CWC27: variants seen among roughly 807,000 people sequenced by gnomAD.
The protein encoded by CWC27 is CWC27 spliceosome associated cyclophilin.
A neutral mutation model predicts 63.6 loss-of-function variants in CWC27; 47 were observed. The ratio of observed to expected loss-of-function variants is 0.74; its 90% CI spans 0.58 to 0.94. The LOEUF (loss-of-function observed/expected upper bound fraction) is 0.94. CWC27 is among the 40% of genes least tolerant of loss of function. The pLI, the probability that CWC27 is intolerant of heterozygous loss-of-function variation, is 0.00. For synonymous variants in CWC27, 175 were observed against 179.8 expected (o/e 0.97, Z 0.22); for missense variants, 495 against 554.3 (o/e 0.89, Z 1.07).
chr5:64,840,644 C>G (rs889090098), intron 10 of CWC27, among the ~76,000 whole-genome samples: 7 of 151,496 alleles, frequency 4.6e-5, no homozygotes, highest in Admixed American at 4.6e-4. Flanking sequence ...AGTAAGTAGA[C>G]AGTAGTCAAA....
chr5:65,013,154 T>C (rs1453094278), intron 13 of CWC27, among the ~76,000 whole-genome samples: 6 of 152,180 alleles, frequency 3.9e-5, no homozygotes, highest in Non-Finnish European at 7.3e-5. Context: ...CTGCAGTCTT[T>C]TGAGGAAATA....
intron 10 of CWC27, among the ~76,000 whole-genome samples, chr5:64,819,673 G>C (rs1425724207): frequency 1.3e-5 from 2 of 152,142 alleles, no homozygotes; most frequent in African/African-American, 2.4e-5. Flanking sequence ...GAAACTGTGA[G>C]TCAGTTAAAC....
At chr5:64,828,405 G>A (rs1304190100) in intron 10 of CWC27, among the ~76,000 whole-genome samples, 2 of 151,962 alleles carry the variant, frequency 1.3e-5, no homozygotes, top group African/African-American at 4.8e-5. Flanking sequence ...AAATACCATA[G>A]TCCGGCTGGC....
At chr5:64,941,079 C>T (rs1302868444) in intron 11 of CWC27, among the ~76,000 whole-genome samples, 1 of 152,028 alleles carries the variant, frequency 6.6e-6, no homozygotes, top group African/African-American at 2.4e-5. Flanking sequence ...CTCTTGACCT[C>T]AAGTGATCTG....
chr5:64,852,087 T>C (rs1292754910), intron 10 of CWC27, among the ~76,000 whole-genome samples: 1 of 152,208 alleles, frequency 6.6e-6, no homozygotes, highest in Non-Finnish European at 1.5e-5. Context: ...CTACTACTAG[T>C]AGATAATAAT....
At chr5:64,782,096 G>A (rs1017920517) in intron 3 of CWC27, 63 bp downstream of exon 3, 1 of 866,602 alleles carries the variant, frequency 1.2e-6, no homozygotes, top group Non-Finnish European at 1.7e-6. Context: ...AAGTCAGTTT[G>A]GATTGCTTAA....
chr5:64,897,290 G>A (rs1482960560), intron 11 of CWC27, among the ~76,000 whole-genome samples: 2 of 152,188 alleles, frequency 1.3e-5, no homozygotes, highest in Non-Finnish European at 2.9e-5. Context: ...GCACACGTAT[G>A]TTTATTGCAG....
chr5:65,003,682 C>A (rs1365592313), intron 13 of CWC27, among the ~76,000 whole-genome samples: 2 of 152,136 alleles, frequency 1.3e-5, no homozygotes, highest in Non-Finnish European at 2.9e-5. Context: ...CTATTCTTGA[C>A]TAGCAGTATC....
intron 13 of CWC27, among the ~76,000 whole-genome samples, chr5:65,006,851 A>G (rs1749850500): frequency 6.6e-6 from 1 of 152,078 alleles, no homozygotes; most frequent in African/African-American, 2.4e-5. Context: ...ATTGGGCTTA[A>G]TACATGGATG....
chr5:64,828,883 A>T (rs1344178360), intron 10 of CWC27, among the ~76,000 whole-genome samples: 1 of 152,114 alleles, frequency 6.6e-6, no homozygotes, highest in African/African-American at 2.4e-5. Context: ...CCCATAAAAT[A>T]GTTAATCAAA....
intron 10 of CWC27, among the ~76,000 whole-genome samples, chr5:64,873,237 A>T (rs987952649): frequency 2.0e-5 from 3 of 152,190 alleles, no homozygotes; most frequent in African/African-American, 7.2e-5. Context: ...GCTTTTTTCC[A>T]AGGACAGTAA....
intron 11 of CWC27, among the ~76,000 whole-genome samples, chr5:64,959,962 G>A (rs1217938445): frequency 2.6e-5 from 4 of 152,152 alleles, no homozygotes; most frequent in Admixed American, 1.3e-4. Flanking sequence ...GTGTTTTGAA[G>A]GTTCAAATGA....
chr5:64,986,430 T>C (rs1161380378), intron 13 of CWC27, among the ~76,000 whole-genome samples: 6 of 152,354 alleles, frequency 3.9e-5, no homozygotes, highest in South Asian at 2.1e-4. Flanking sequence ...TTGAATTTGA[T>C]TTTCTGATAT....
intron 11 of CWC27, among the ~76,000 whole-genome samples, chr5:64,953,389 G>C (rs1748746284): frequency 6.6e-6 from 1 of 152,108 alleles, no homozygotes; most frequent in Non-Finnish European, 1.5e-5. Flanking sequence ...ACCCGAGTGA[G>C]TGACAGAGCT....
chr5:64,957,416 G>T (rs539177769), intron 11 of CWC27, among the ~76,000 whole-genome samples: 2 of 152,268 alleles, frequency 1.3e-5, no homozygotes, highest in South Asian at 4.1e-4. Context: ...ATCTGCAGAA[G>T]CACAAAGTGT....
chr5:65,004,402 G>A (rs1208767668), intron 13 of CWC27, among the ~76,000 whole-genome samples: 8 of 69,914 alleles, frequency 1.1e-4, no homozygotes, highest in African/African-American at 6.8e-4. Flanking sequence ...TTTTTTTGGT[G>A]GGGGGGTGGT....
At chr5:64,940,506 C>CATT (rs1748452437) in intron 11 of CWC27, among the ~76,000 whole-genome samples, 1 of 152,144 alleles carries the variant, frequency 6.6e-6, no homozygotes, top group South Asian at 2.1e-4. Flanking sequence ...AGAAATCACC[C>CATT]GCCTTCTGCA....
intron 11 of CWC27, among the ~76,000 whole-genome samples, chr5:64,962,651 A>G (rs1290095118): frequency 1.3e-5 from 2 of 152,210 alleles, no homozygotes; most frequent in African/African-American, 2.4e-5. Flanking sequence ...AATGTATGCT[A>G]TTTATATGGT....
chr5:64,840,379 AAAAAAAAAAAAAAAAATATATATATATAT>A (rs1284589271), intron 10 of CWC27, among the ~76,000 whole-genome samples: 13 of 70,194 alleles, frequency 1.9e-4, no homozygotes, highest in African/African-American at 7.3e-4. Context: ...AAAAAAAAAA[AAAAAAAAAAAAAAAAATATATATATATAT>A]ATATATATAT....
Sources: gnomAD v4.1 joint callset for allele counts (sites outside exome capture counted in the v4.1 genomes callset) on GRCh38, gnomAD v4.1.1 for gene constraint, MANE v1.5 for transcripts, NCBI Gene and HGNC (gene_info 2026-07-23, HGNC 2026-07-21) for gene names.